The following HEMK2 variants were observed in gnomAD, a reference collection of about 807,000 sequenced individuals.
HEMK2 encodes HemK methyltransferase 2, ETF1 glutamine and histone H4 lysine.
the HEMK2 span, among the ~76,000 whole-genome samples, chr21:28,778,536 T>C: frequency 2.2e-4 from 33 of 152,318 alleles, no homozygotes; most frequent in Non-Finnish European, 4.1e-4. Flanking sequence ...TCCCATTTTA[T>C]ATTCCCACCA....
the HEMK2 span, among the ~76,000 whole-genome samples, chr21:28,841,518 T>C: frequency 2.2e-5 from 3 of 133,954 alleles, no homozygotes; most frequent in Non-Finnish European, 4.6e-5. Flanking sequence ...GCATCTGCAG[T>C]GACCTGGATG....
the HEMK2 span, chr21:28,882,995 C>G: frequency 4.4e-6 from 7 of 1,599,056 alleles, no homozygotes; most frequent in Non-Finnish European, 6.0e-6. Flanking sequence ...ATGTACAAAG[C>G]CTGAGGGCCT....
At chr21:28,754,160 A>G in the HEMK2 span, among the ~76,000 whole-genome samples, 29,417 of 152,196 alleles carry the variant, frequency 0.19, 3,556 homozygotes, top group African/African-American at 0.34. Context: ...GCCCCCTCGC[A>G]CAGTTGAGTA....
At chr21:28,881,170 G>C in the HEMK2 span, among the ~76,000 whole-genome samples, 31 of 152,268 alleles carry the variant, frequency 2.0e-4, no homozygotes, top group South Asian at 6.0e-3. Context: ...GTTGTCATTT[G>C]TTGTTTTTAC....
At chr21:28,877,236 G>C in the HEMK2 span, among the ~76,000 whole-genome samples, 1 of 132,904 alleles carries the variant, frequency 7.5e-6, no homozygotes, top group South Asian at 2.7e-4. Flanking sequence ...GGAAGGAAAG[G>C]AAGGGAAGGG....
the HEMK2 span, among the ~76,000 whole-genome samples, chr21:28,727,906 G>C: frequency 2.0e-5 from 3 of 152,154 alleles, no homozygotes; most frequent in East Asian, 1.9e-4. Flanking sequence ...AAATGCTTCT[G>C]TTTTTCATGA....
the HEMK2 span, among the ~76,000 whole-genome samples, chr21:28,712,844 T>C: frequency 6.6e-6 from 1 of 152,250 alleles, no homozygotes; most frequent in Non-Finnish European, 1.5e-5. Flanking sequence ...TTGAATTACT[T>C]ACATTTATAG....
chr21:28,768,726 T>G, the HEMK2 span, among the ~76,000 whole-genome samples: 4 of 152,042 alleles, frequency 2.6e-5, no homozygotes, highest in African/African-American at 2.4e-5. Context: ...TCTAAGGTCC[T>G]GTTATGGACT....
the HEMK2 span, among the ~76,000 whole-genome samples, chr21:28,877,034 AGGAGGGAG>A: frequency 4.6e-5 from 1 of 21,800 alleles, no homozygotes; most frequent in Non-Finnish European, 8.5e-5. Flanking sequence ...GAAGGAAGGA[AGGAGGGAG>A]GGAGGGAGGG....
At chr21:28,773,333 ACT>A in the HEMK2 span, among the ~76,000 whole-genome samples, 2 of 152,006 alleles carry the variant, frequency 1.3e-5, no homozygotes, top group Non-Finnish European at 2.9e-5. Flanking sequence ...ACTCCTTGAC[ACT>A]CTCTCACTCG....
the HEMK2 span, among the ~76,000 whole-genome samples, chr21:28,596,596 T>C: frequency 6.6e-6 from 1 of 152,232 alleles, no homozygotes; most frequent in African/African-American, 2.4e-5. Flanking sequence ...AATATTCACA[T>C]TATCATAATT....
the HEMK2 span, among the ~76,000 whole-genome samples, chr21:28,765,637 G>A: frequency 1.8e-3 from 270 of 151,950 alleles, no homozygotes; most frequent in African/African-American, 3.4e-3. Context: ...AGTTTCCACC[G>A]ACACACAATT....
chr21:28,852,290 G>C, the HEMK2 span, among the ~76,000 whole-genome samples: 33 of 152,272 alleles, frequency 2.2e-4, 1 homozygote, highest in South Asian at 6.6e-3. Context: ...GGTTCTGCCA[G>C]CTGCTAAGTA....
At chr21:28,849,225 C>T in the HEMK2 span, among the ~76,000 whole-genome samples, 1 of 152,068 alleles carries the variant, frequency 6.6e-6, no homozygotes, top group African/African-American at 2.4e-5. Context: ...GTATGCAGAC[C>T]AGGAGTGCCG....
At chr21:28,803,976 C>T in the HEMK2 span, among the ~76,000 whole-genome samples, 58 of 152,344 alleles carry the variant, frequency 3.8e-4, no homozygotes, top group African/African-American at 1.3e-3. Context: ...GTTATCAACA[C>T]TGTACTGCTA....
the HEMK2 span, among the ~76,000 whole-genome samples, chr21:28,694,859 G>A: frequency 6.6e-6 from 1 of 152,060 alleles, no homozygotes; most frequent in Non-Finnish European, 1.5e-5. Flanking sequence ...TTAGCCGGGC[G>A]TGGTGGCGGG....
At chr21:28,820,307 T>C in the HEMK2 span, among the ~76,000 whole-genome samples, 1 of 152,146 alleles carries the variant, frequency 6.6e-6, no homozygotes, top group African/African-American at 2.4e-5. Flanking sequence ...AAGCTGAAGT[T>C]CCCTCATCTG....
At chr21:28,851,920 C>CTGGTACT in the HEMK2 span, among the ~76,000 whole-genome samples, 1 of 152,304 alleles carries the variant, frequency 6.6e-6, no homozygotes, top group Admixed American at 6.5e-5. Flanking sequence ...TGCCAAGTAC[C>CTGGTACT]TGGTACATAC....
chr21:28,772,078 T>C, the HEMK2 span, among the ~76,000 whole-genome samples: 1 of 152,194 alleles, frequency 6.6e-6, no homozygotes, highest in Non-Finnish European at 1.5e-5. Flanking sequence ...TCATACAGCA[T>C]GTTCTCTGGG....
Sources: allele counts gnomAD v4.1 joint callset (sites outside exome capture counted in the v4.1 genomes callset), GRCh38; gene constraint gnomAD v4.1.1; transcripts MANE v1.5; gene names NCBI Gene and HGNC (gene_info 2026-07-23, HGNC 2026-07-21).